GREM2: variants seen among roughly 807,000 people sequenced by gnomAD.
The protein encoded by GREM2 is gremlin 2, DAN family BMP antagonist, also known as gremlin-2.
In GREM2, 11 loss-of-function variants were observed where a neutral mutation model predicts 14.2. That is an observed-to-expected ratio of 0.78 (90% CI 0.49 to 1.28). The LOEUF (loss-of-function observed/expected upper bound fraction) is 1.28. GREM2 is among the 50% of genes most tolerant of loss of function. GREM2 has a pLI of 0.00. For missense variants in GREM2, 210 were observed against 218.5 expected, an observed-to-expected ratio of 0.96 and a Z score of 0.24; for synonymous variants, 98 against 97.6, an observed-to-expected ratio of 1.00 and a Z score of -0.02.
intron 1 of GREM2, among the ~76,000 whole-genome samples, chr1:240,547,662 C>T (rs1255332673): frequency 1.3e-5 from 2 of 151,388 alleles, no homozygotes; most frequent in Non-Finnish European, 2.9e-5. Context: ...GACAAAGAAA[C>T]CTGGATTTGA....
intron 1 of GREM2, among the ~76,000 whole-genome samples, chr1:240,565,334 T>C (rs571867841): frequency 6.6e-6 from 1 of 152,340 alleles, no homozygotes; most frequent in African/African-American, 2.4e-5. Flanking sequence ...ATCATTAAAA[T>C]TGAGAGCACT....
chr1:240,537,136 T>C (rs1414771308), intron 1 of GREM2, among the ~76,000 whole-genome samples: 1 of 152,222 alleles, frequency 6.6e-6, no homozygotes, highest in Non-Finnish European at 1.5e-5. Context: ...TCCCTTCCTT[T>C]ACCTTTAAAA....
chr1:240,588,452 A>G (rs570465125), intron 1 of GREM2: 1 of 152,248 alleles, frequency 6.6e-6, no homozygotes, highest in South Asian at 2.1e-4. Context: ...ATTGCTGCAG[A>G]GGTATTGGGG....
At chr1:240,514,007 C>T (rs1468611978) in intron 1 of GREM2, among the ~76,000 whole-genome samples, 1 of 151,798 alleles carries the variant, frequency 6.6e-6, no homozygotes, top group African/African-American at 2.4e-5. Flanking sequence ...GCACTTTGGG[C>T]GGCTGAGGCG....
intron 1 of GREM2, among the ~76,000 whole-genome samples, chr1:240,505,749 GAAAAAAA>G (rs35390997): frequency 6.8e-6 from 1 of 147,930 alleles, no homozygotes. Context: ...AGAATGATAG[GAAAAAAA>G]AAAGAATGAT....
Position 240,543,257 on chromosome 1 carries a change from G to A in GREM2, c.-1-49781C>T, listed in dbSNP as rs144325154. ...GTAAAATGTGTTAGGTAATCTATTA[G>A]TCTGTCGTCATGCTGCTAATAAAAA... On this transcript the variant is annotated intron_variant, in intron 1 of 1. Coordinates refer to ENST00000318160, the MANE Select transcript of GREM2 (RefSeq NM_022469.4). The surrounding 1 kb of genome is among the most constrained non-coding windows in gnomAD (Gnocchi z 6.4). Among the ~76,000 whole-genome samples, 20 of 152,292 alleles carry A rather than the reference G, an allele frequency of 1.3e-4. No individual in the cohort carries two copies. The East Asian group carries it at 3.7e-3, about 28-fold the overall frequency.
chr1:240,567,186 A>T (rs1039426099), intron 1 of GREM2, among the ~76,000 whole-genome samples: 5 of 152,206 alleles, frequency 3.3e-5, no homozygotes, highest in Admixed American at 6.5e-5. Flanking sequence ...AAATACAAAG[A>T]TCATCAGTGA....
At chr1:240,597,087 A>T (rs896421741) in intron 1 of GREM2, among the ~76,000 whole-genome samples, 1 of 152,162 alleles carries the variant, frequency 6.6e-6, no homozygotes, top group African/African-American at 2.4e-5. Context: ...CCTTCCTAGG[A>T]TCATATTTTT....
chr1:240,594,582 A>G (rs1363591758), intron 1 of GREM2, among the ~76,000 whole-genome samples: 6 of 152,162 alleles, frequency 3.9e-5, no homozygotes, highest in Non-Finnish European at 5.9e-5. Context: ...AGAAAGACCC[A>G]AGAAAAACCA....
chr1:240,511,527 G>A (rs1677828988), intron 1 of GREM2, among the ~76,000 whole-genome samples: 1 of 152,180 alleles, frequency 6.6e-6, no homozygotes, highest in African/African-American at 2.4e-5. Context: ...GAGGCGGGCG[G>A]ATAACCTGAG....
intron 1 of GREM2, among the ~76,000 whole-genome samples, chr1:240,544,390 G>A (rs1046884169): frequency 3.3e-5 from 5 of 152,114 alleles, no homozygotes; most frequent in African/African-American, 1.2e-4. Context: ...CTCATGATCT[G>A]CCCGCCTTGG....
rs549844568 is a variant in GREM2 at position 240,589,445 on chromosome 1, G to GA, written c.-2+22438dup. Among the ~76,000 whole-genome samples, 346 of 115,018 alleles carry GA rather than the reference G, an allele frequency of 3.0e-3. 3 individuals carry two copies. Among genetic ancestry groups the GA allele is most frequent in the African/African-American group, 7.3e-3 (194 of 26,494 alleles). The allele number at this position is 115,018 out of a possible 152,430, so 75.5% of individuals were successfully genotyped here. On this transcript the variant is annotated intron_variant, in intron 1 of 1. Transcript: ENST00000318160. ...AGCGAAACTCCATCTCAGAAAAAAA[G>GA]AAAAAAAAAAGAAAAAAAAGAAAAG...
At chr1:240,568,689 T>C (rs181292312) in intron 1 of GREM2, among the ~76,000 whole-genome samples, 1 of 152,296 alleles carries the variant, frequency 6.6e-6, no homozygotes, top group Non-Finnish European at 1.5e-5. Context: ...CTTTCTTTCT[T>C]GATTGAAAGA....
In GREM2 at chr1:240,492,672, T is replaced by A; in HGVS notation, c.*297A>T. 4.2e-6 allele frequency: 1 copy of A among 238,610 alleles called. No homozygotes were observed. The highest frequency in any genetic ancestry group is 8.0e-6 in the Non-Finnish European group (1 of 124,356). 14.8% of individuals were successfully genotyped at this position (238,610 alleles called of 1,614,324 possible). ...ATTTACAGTGCATCACCTCGAAAGG[T>A]CCTCTCTGACTGCTGGGTGGCGGTG... On this transcript the variant is annotated 3_prime_UTR_variant, in exon 2 of 2. Coordinates refer to ENST00000318160, the MANE Select transcript of GREM2 (RefSeq NM_022469.4).
intron 1 of GREM2, among the ~76,000 whole-genome samples, chr1:240,602,448 A>G (rs1383797509): frequency 6.6e-6 from 1 of 152,204 alleles, no homozygotes; most frequent in Non-Finnish European, 1.5e-5. Flanking sequence ...TTTATTCACC[A>G]AACACTAAGC....
At chr1:240,549,865 T>G (rs530911187) in intron 1 of GREM2, 4 of 152,354 alleles carry the variant, frequency 2.6e-5, no homozygotes, top group South Asian at 2.1e-4. Context: ...AAGGGATGAA[T>G]TAGAGCCATG....
rs952143468 is a variant in GREM2 at position 240,490,685 on chromosome 1, C to A, written c.*2284G>T. On this transcript the variant is annotated 3_prime_UTR_variant, in exon 2 of 2. Coordinates refer to ENST00000318160, the MANE Select transcript of GREM2 (RefSeq NM_022469.4). ...CTTCACACTGCAGCATATCATATTG[C>A]TTTCATTGCTACACCCACAATTGGG... 6.6e-6 allele frequency: 1 copy of A among 152,346 alleles called. No homozygotes were observed. Among genetic ancestry groups the A allele is most frequent in the African/African-American group, 2.4e-5 (1 of 41,428 alleles). The allele number at this position is 152,346 out of a possible 1,614,324, so 9.4% of individuals were successfully genotyped here. A position where few individuals can be genotyped will look rare whatever the true frequency, so the allele number is the denominator to read the frequency against.
intron 1 of GREM2, among the ~76,000 whole-genome samples, chr1:240,575,118 T>A (rs761476375): frequency 8.0e-5 from 12 of 150,774 alleles, no homozygotes; most frequent in South Asian, 6.3e-4. Flanking sequence ...AAAAAAAAAA[T>A]AATAATAAAA....
chr1:240,494,293 G>C (rs1462164105), intron 1 of GREM2, among the ~76,000 whole-genome samples: 1 of 152,124 alleles, frequency 6.6e-6, no homozygotes, highest in East Asian at 1.9e-4. Context: ...CACAGAAGTT[G>C]AGTCATTTAC....
Sources: allele counts gnomAD v4.1 joint callset (sites outside exome capture counted in the v4.1 genomes callset), GRCh38; gene constraint gnomAD v4.1.1; non-coding constraint Gnocchi (gnomAD v3.1); transcripts MANE v1.5; gene names NCBI Gene and HGNC (gene_info 2026-07-23, HGNC 2026-07-21).